HERC3: variants seen among roughly 807,000 people sequenced by gnomAD.
HERC3 encodes the protein HECT and RLD domain containing E3 ubiquitin protein ligase 3.
Under a neutral mutation model 129.9 loss-of-function variants are expected in HERC3, and 58 were observed. The ratio of observed to expected loss-of-function variants is 0.45; its 90% CI spans 0.36 to 0.56. The LOEUF (loss-of-function observed/expected upper bound fraction) is 0.56. Ranked by LOEUF, HERC3 falls within the 20% of genes least tolerant of loss-of-function variation. The probability of loss-of-function intolerance (pLI) is 0.00; values close to 1 mark genes in which losing one functional copy is unlikely to be tolerated. For synonymous variants in HERC3, 430 were observed against 451.0 expected, an observed-to-expected ratio of 0.95 and a Z score of 0.59; for missense variants, 835 against 1,244.2, an observed-to-expected ratio of 0.67 and a Z score of 4.95.
chr4:88,608,039 T>G (rs1255894917), intron 3 of HERC3, among the ~76,000 whole-genome samples: 1 of 152,230 alleles, frequency 6.6e-6, no homozygotes, highest in Non-Finnish European at 1.5e-5. Context: ...CTAGATGATT[T>G]TATCATTTTA....
chr4:88,699,350 C>T (rs1306451788), intron 23 of HERC3, among the ~76,000 whole-genome samples: 1 of 46,752 alleles, frequency 2.1e-5, no homozygotes, highest in Non-Finnish European at 3.3e-5. Context: ...CCACCCTCTT[C>T]TTCCCCACCC....
the HERC3 span, among the ~76,000 whole-genome samples, chr4:88,572,593 G>C: frequency 6.6e-6 from 1 of 151,662 alleles, no homozygotes; most frequent in Non-Finnish European, 1.5e-5. Flanking sequence ...GGTGTATCAC[G>C]AGGTCAGGAG....
chr4:88,549,942 G>A, the HERC3 span, among the ~76,000 whole-genome samples: 3 of 152,110 alleles, frequency 2.0e-5, no homozygotes, highest in Non-Finnish European at 2.9e-5. Context: ...CAGGATACGC[G>A]AACAGGAGGA....
chr4:88,592,882 CCTCCCGCCCG>C (rs974743124), intron 1 of HERC3, among the ~76,000 whole-genome samples: 83 of 152,108 alleles, frequency 5.5e-4, no homozygotes, highest in African/African-American at 1.9e-3. Flanking sequence ...AATGGGAGCG[CCTCCCGCCCG>C]CGCTCGGCCG....
intron 3 of HERC3, among the ~76,000 whole-genome samples, chr4:88,626,985 A>T (rs1390473331): frequency 6.6e-6 from 1 of 152,120 alleles, no homozygotes; most frequent in Non-Finnish European, 1.5e-5. Flanking sequence ...TGGAAACCTA[A>T]ATCACTGATT....
Position 88,678,118 on chromosome 4 carries a change from T to C in HERC3, c.2180T>C (p.Leu727Ser). The stretch of plus-strand genomic sequence containing the variant: ...CTGAGCATTCATTCTGATATTGATT[T>C]GAAAAAGCCTCTCAAAGTGAGTTCC... ...RELSIHSDID[L>S]KKPLKVIFDG... Residue 727 changes from leucine (L) to serine (S), a missense_variant, in exon 19 of 26, where the codon TTG becomes TCG. Leu to Ser is a moderately radical substitution (Grantham distance 145). Coordinates refer to ENST00000402738, the MANE Select transcript of HERC3 (RefSeq NM_014606.3). 1 of 1,613,758 alleles carries C rather than the reference T, an allele frequency of 6.2e-7. No individual in the cohort carries two copies. Among genetic ancestry groups the C allele is most frequent in the South Asian group, 1.1e-5 (1 of 91,084 alleles).
chr4:88,599,405 T>C (rs2149177354), intron 2 of HERC3, among the ~76,000 whole-genome samples: 1 of 152,332 alleles, frequency 6.6e-6, no homozygotes, highest in Admixed American at 6.5e-5. Context: ...TTTGACCAAT[T>C]GAAGATTCCA....
At chr4:88,682,218 A>T (rs1276872318) in intron 21 of HERC3, among the ~76,000 whole-genome samples, 1 of 152,180 alleles carries the variant, frequency 6.6e-6, no homozygotes, top group Non-Finnish European at 1.5e-5. Context: ...TATGCCTAGG[A>T]GTAGAATTGC....
the HERC3 span, among the ~76,000 whole-genome samples, chr4:88,579,449 G>A: frequency 1.3e-5 from 2 of 151,998 alleles, no homozygotes; most frequent in African/African-American, 4.8e-5. Context: ...AGTGACCAAT[G>A]CCAGCCTAAA....
At chr4:88,591,511 C>T (rs1721707027), upstream of HERC3, among the ~76,000 whole-genome samples, 1 of 152,138 alleles carries the variant, frequency 6.6e-6, no homozygotes, top group Non-Finnish European at 1.5e-5. Context: ...CTTCAAATGC[C>T]AGGTTATAGA....
chr4:88,682,561 G>C (rs924346459), intron 21 of HERC3, among the ~76,000 whole-genome samples: 9 of 147,212 alleles, frequency 6.1e-5, no homozygotes, highest in Non-Finnish European at 1.2e-4. Flanking sequence ...CTATGAGTGA[G>C]AACATGCAGT....
In HERC3 at chr4:88,681,185, C is replaced by T. The variant is rs868057501; in HGVS notation, c.2367C>T (p.His789=). The T allele has an allele frequency of 6.2e-7, 1 of 1,612,774 alleles. No individual in the cohort carries two copies. The highest frequency in any genetic ancestry group is 8.5e-7 in the Non-Finnish European group (1 of 1,179,638). Residue 789 remains histidine, a synonymous_variant, in exon 21 of 26, where the codon CAC becomes CAT. Coordinates refer to ENST00000402738, the MANE Select transcript of HERC3 (RefSeq NM_014606.3). ...GTTTTGTAGAGCACAACTGGTTTCA[C>T]TTGATTGGTATAACCTGTGGACTAG... ...DTCFVEHNWF[H]LIGITCGLAI...
At chr4:88,607,401 T>C (rs1470213779) in intron 3 of HERC3, among the ~76,000 whole-genome samples, 4 of 152,176 alleles carry the variant, frequency 2.6e-5, no homozygotes. Context: ...TTCAGTGCTT[T>C]TAATTGATTT....
chr4:88,585,134 C>G, the HERC3 span, among the ~76,000 whole-genome samples: 123 of 152,300 alleles, frequency 8.1e-4, no homozygotes, highest in Non-Finnish European at 1.4e-3. Context: ...CTAGCTACCT[C>G]TATAGGGTCT....
chr4:88,670,328 T>A, intron 16 of HERC3, 76 bp downstream of exon 16: 1 of 963,858 alleles, frequency 1.0e-6, no homozygotes, highest in Non-Finnish European at 1.6e-6. Context: ...ATAATATGTC[T>A]TTGACTTTGA....
intron 11 of HERC3, 86 bp downstream of exon 11, chr4:88,662,641 G>A: frequency 7.4e-7 from 1 of 1,355,344 alleles, no homozygotes; most frequent in East Asian, 2.3e-5. Flanking sequence ...CTTGCATATT[G>A]ATACTGTGAA....
chr4:88,626,558 A>G (rs1726123344), intron 3 of HERC3, among the ~76,000 whole-genome samples: 1 of 152,190 alleles, frequency 6.6e-6, no homozygotes, highest in Non-Finnish European at 1.5e-5. Flanking sequence ...ATACATATAC[A>G]TTGTAAAATG....
chr4:88,628,454 A>G (rs1463974407), intron 3 of HERC3, among the ~76,000 whole-genome samples: 1 of 152,064 alleles, frequency 6.6e-6, no homozygotes. Context: ...AAAAGGCAGC[A>G]TATAGTTGTG....
the HERC3 span, among the ~76,000 whole-genome samples, chr4:88,525,178 C>G: frequency 3.9e-5 from 6 of 152,168 alleles, no homozygotes; most frequent in African/African-American, 1.4e-4. Context: ...CCTCACCTTC[C>G]TTCCCTCACA....
Sources: allele counts gnomAD v4.1 joint callset (sites outside exome capture counted in the v4.1 genomes callset), GRCh38; gene constraint gnomAD v4.1.1; transcripts MANE v1.5; gene names NCBI Gene and HGNC (gene_info 2026-07-23, HGNC 2026-07-21).